Variants in INPP5A observed in about 807,000 individuals in gnomAD.
The protein encoded by INPP5A is inositol polyphosphate-5-phosphatase A.
Under a neutral mutation model 65.2 loss-of-function variants are expected in INPP5A, and 14 were observed. That is an observed-to-expected ratio of 0.21 (90% CI 0.14 to 0.34). The LOEUF (loss-of-function observed/expected upper bound fraction) is 0.34. Among genes scored for constraint, INPP5A ranks in the 10% least tolerant of loss-of-function variants. The pLI, the probability that INPP5A is intolerant of heterozygous loss-of-function variation, is 1.00. For synonymous variants in INPP5A, 207 were observed against 208.3 expected, an observed-to-expected ratio of 0.99 and a Z score of 0.05; for missense variants, 431 against 545.6, an observed-to-expected ratio of 0.79 and a Z score of 2.09.
At chr10:132,556,042 C>T (rs1300209131) in intron 1 of INPP5A, among the ~76,000 whole-genome samples, 1 of 152,074 alleles carries the variant, frequency 6.6e-6, no homozygotes. Flanking sequence ...GGCTGCCCGG[C>T]CCCTGAAGTG....
At chr10:132,539,760 C>T (rs1385410956) in intron 1 of INPP5A, among the ~76,000 whole-genome samples, 3 of 145,554 alleles carry the variant, frequency 2.1e-5, no homozygotes, top group African/African-American at 7.5e-5. Flanking sequence ...GCCACTGATG[C>T]ACGCGTGGTT....
intron 4 of INPP5A, among the ~76,000 whole-genome samples, chr10:132,652,031 C>G (rs1235255133): frequency 2.0e-5 from 3 of 151,946 alleles, no homozygotes; most frequent in African/African-American, 7.3e-5. Context: ...TCCCTCTCCC[C>G]CTTGGTCCCT....
chr10:132,618,670 C>T (rs944629348), intron 2 of INPP5A, among the ~76,000 whole-genome samples: 3 of 152,248 alleles, frequency 2.0e-5, no homozygotes, highest in African/African-American at 7.2e-5. Context: ...TCACGGTTCG[C>T]AGGATGTGCA....
At position 132,637,891 on chromosome 10, in the gene INPP5A, G is replaced by A. The variant is rs565050506; in HGVS notation, c.118-7977G>A. Among the ~76,000 whole-genome samples, 3 of 152,256 alleles carry A rather than the reference G, an allele frequency of 2.0e-5. No homozygotes were observed. The South Asian group carries it at 6.2e-4, about 32-fold the overall frequency. Reference sequence around the variant, plus strand: ...CGGGCACGTTTTCCTCAGTTTGTGTGTGTACAATTTTTTGTCTTTTTTTTA... The same window carrying A: ...CGGGCACGTTTTCCTCAGTTTGTGTATGTACAATTTTTTGTCTTTTTTTTA... On this transcript the variant is annotated intron_variant, in intron 2 of 15. Coordinates refer to ENST00000368594, the MANE Select transcript of INPP5A (RefSeq NM_005539.5). The surrounding 1 kb of genome is among the most constrained non-coding windows in gnomAD (Gnocchi z 4.1).
rs1444122196 is a variant in INPP5A, at chr10:132,559,437, C to G, written c.75+21266C>G. Among the ~76,000 whole-genome samples the G allele has an allele frequency of 2.0e-5, 3 of 152,196 alleles. No individual in the cohort carries two copies. The East Asian group carries it at 5.8e-4, about 29-fold the overall frequency. ...GTTCACAAGGTCGTGTGACCTTCGC[C>G]CCTGATTTCAGAATGTTTTTATCAC... On this transcript the variant is annotated intron_variant, in intron 1 of 15. Coordinates refer to ENST00000368594, the MANE Select transcript of INPP5A (RefSeq NM_005539.5).
In INPP5A at chr10:132,553,767, A is replaced by G. The variant is rs376973710; in HGVS notation, c.75+15596A>G. ...AGAGCCTTGGTGTGGAATATTGAGT[A>G]GGATAGGGAGGGAGGATTGGTGAAC... On this transcript the variant is annotated intron_variant, in intron 1 of 15. Transcript: ENST00000368594. Among the ~76,000 whole-genome samples, 308 of 86,494 alleles carry G rather than the reference A, an allele frequency of 3.6e-3. 1 individual carries two copies. The highest frequency in any genetic ancestry group is 7.9e-3 in the African/African-American group (174 of 21,890). 56.7% of individuals were successfully genotyped at this position (86,494 alleles called of 152,430 possible). A position where few individuals can be genotyped will look rare whatever the true frequency, so the allele number is the denominator to read the frequency against.
chr10:132,617,412 G>A (rs538500255), intron 2 of INPP5A, among the ~76,000 whole-genome samples: 3 of 152,300 alleles, frequency 2.0e-5, no homozygotes, highest in Non-Finnish European at 4.4e-5. Flanking sequence ...GATGTCCACC[G>A]GCCGTGGGCA....
chr10:132,604,315 T>A (rs1405899265), intron 1 of INPP5A, among the ~76,000 whole-genome samples: 4 of 150,406 alleles, frequency 2.7e-5, no homozygotes, highest in Non-Finnish European at 4.4e-5. Context: ...GGGTCCCCTC[T>A]CTGGCGCGCC....
chr10:132,711,810 C>T (rs2803997), intron 8 of INPP5A, among the ~76,000 whole-genome samples: 15,608 of 152,270 alleles, frequency 0.1, 892 homozygotes, highest in African/African-American at 0.13. Flanking sequence ...TCACAACTGC[C>T]TGGGGCTGCA....
chr10:132,673,879 G>A (rs895659255), intron 4 of INPP5A, among the ~76,000 whole-genome samples: 2 of 152,262 alleles, frequency 1.3e-5, no homozygotes, highest in Non-Finnish European at 2.9e-5. Context: ...CAAGGACTCA[G>A]TGTTGGTCTC....
intron 1 of INPP5A, among the ~76,000 whole-genome samples, chr10:132,542,687 A>T (rs1314312453): frequency 6.6e-6 from 1 of 152,174 alleles, no homozygotes. Flanking sequence ...GCTGGCAGTG[A>T]CTAGCCAGAA....
At chr10:132,749,904 C>T (rs1846443473) in intron 11 of INPP5A, 59 bp downstream of exon 11, 1 of 1,425,346 alleles carries the variant, frequency 7.0e-7, no homozygotes, top group Non-Finnish European at 9.9e-7. Flanking sequence ...GCCCCCAGGC[C>T]TTCCCATTAC....
chr10:132,608,369 G>T (rs915049759), intron 2 of INPP5A, among the ~76,000 whole-genome samples: 4 of 152,262 alleles, frequency 2.6e-5, no homozygotes, highest in East Asian at 1.9e-4. Flanking sequence ...TGCTGGGCTG[G>T]GGGAGGCGAC....
rs2070953705 is a variant in INPP5A at position 132,545,170 on chromosome 10, A to G, written c.75+6999A>G. ...GCAGAGGGCCCCGCACGGCTCTGGG[A>G]TGGCTGTGCTCGGTGGGGGTCTGAT... On this transcript the variant is annotated intron_variant, in intron 1 of 15. Coordinates refer to ENST00000368594, the MANE Select transcript of INPP5A (RefSeq NM_005539.5). This position sits in a 1 kb window ranked among gnomAD's most constrained non-coding sequence, Gnocchi z 4.6. 6.6e-6 allele frequency among the ~76,000 whole-genome samples: 1 copy of G among 151,946 alleles called. No individual in the cohort carries two copies. The highest frequency in any genetic ancestry group is 2.4e-5 in the African/African-American group (1 of 41,336).
intron 4 of INPP5A, among the ~76,000 whole-genome samples, chr10:132,670,518 G>A (rs2072875687): frequency 7.1e-6 from 1 of 140,058 alleles, no homozygotes; most frequent in South Asian, 2.3e-4. Context: ...TTGCTTCTCA[G>A]CACAGCCCTG....
intron 1 of INPP5A, among the ~76,000 whole-genome samples, chr10:132,606,174 T>A (rs1373088269): frequency 6.6e-6 from 1 of 152,076 alleles, no homozygotes; most frequent in Non-Finnish European, 1.5e-5. Context: ...GGACCCTCGA[T>A]GGGGACTTGC....
intron 5 of INPP5A, among the ~76,000 whole-genome samples, chr10:132,693,101 CAT>C (rs1396718729): frequency 1.3e-4 from 20 of 152,112 alleles, no homozygotes; most frequent in African/African-American, 4.1e-4. Context: ...TAAAAGTGGA[CAT>C]GGATTAGTTA....
chr10:132,688,379 C>T (rs1845177481), intron 4 of INPP5A, among the ~76,000 whole-genome samples: 1 of 152,230 alleles, frequency 6.6e-6, no homozygotes. Context: ...GAGGGAGCAG[C>T]AGTTCCCTGG....
intron 11 of INPP5A, among the ~76,000 whole-genome samples, chr10:132,761,765 G>A (rs758745923): frequency 1.3e-5 from 2 of 152,168 alleles, no homozygotes; most frequent in Non-Finnish European, 2.9e-5. Context: ...CACCAAAGAC[G>A]ATCTTACAGT....
Sources: gnomAD v4.1 joint callset for allele counts (sites outside exome capture counted in the v4.1 genomes callset) on GRCh38, gnomAD v4.1.1 for gene constraint, Gnocchi (gnomAD v3.1) non-coding constraint, MANE v1.5 for transcripts, NCBI Gene and HGNC (gene_info 2026-07-23, HGNC 2026-07-21) for gene names.